The following RNF123 variants were observed in gnomAD, a reference collection of about 807,000 sequenced individuals.
RNF123 encodes ring finger protein 123.
A neutral mutation model predicts 168.5 loss-of-function variants in RNF123; 86 were observed. That is an observed-to-expected ratio of 0.51 (90% CI 0.43 to 0.61). The LOEUF (loss-of-function observed/expected upper bound fraction) is 0.61. Among genes scored for constraint, RNF123 ranks in the 20% least tolerant of loss-of-function variants. The pLI, the probability that RNF123 is intolerant of heterozygous loss-of-function variation, is 0.00. For synonymous variants in RNF123, 666 were observed against 689.1 expected, an observed-to-expected ratio of 0.97 and a Z score of 0.52; for missense variants, 1,419 against 1,729.7, an observed-to-expected ratio of 0.82 and a Z score of 3.19.
intron 35 of RNF123, 194 bp from the exon 36 acceptor site, chr3:49,720,317 G>GAAAAAA: frequency 2.9e-6 from 1 of 345,006 alleles, no homozygotes; most frequent in East Asian, 4.3e-5. Flanking sequence ...CTCGTCTCAA[G>GAAAAAA]AAAAAAAAAA....
chr3:49,696,373 G>A (rs2108177227), intron 3 of RNF123, among the ~76,000 whole-genome samples: 1 of 148,148 alleles, frequency 6.8e-6, no homozygotes, highest in South Asian at 2.1e-4. Flanking sequence ...TTTTGAGACA[G>A]AGTCTTGCTC....
At chr3:49,704,896 G>A in intron 22 of RNF123, 88 bp from the exon 23 acceptor site, 1 of 1,428,080 alleles carries the variant, frequency 7.0e-7, no homozygotes, top group Non-Finnish European at 9.5e-7. Flanking sequence ...GTGGGTGGAG[G>A]CATGGACCCT....
At chr3:49,721,142 G>A (rs760786484) in intron 38 of RNF123, 37 bp downstream of exon 38, 6 of 1,614,128 alleles carry the variant, frequency 3.7e-6, no homozygotes, top group Non-Finnish European at 4.2e-6. Context: ...GGGGAGAGCA[G>A]TAGGTACATG....
intron 7 of RNF123, 29 bp from the exon 8 acceptor site, chr3:49,698,411 C>A: frequency 6.3e-7 from 1 of 1,596,126 alleles, no homozygotes; most frequent in Non-Finnish European, 8.6e-7. Context: ...CCTGCCTCAC[C>A]AGGGACCTCA....
intron 20 of RNF123, 22 bp downstream of exon 20, chr3:49,702,775 G>T (rs920187867): frequency 6.2e-7 from 1 of 1,613,902 alleles, no homozygotes; most frequent in Non-Finnish European, 8.5e-7. Flanking sequence ...CGGGGTCCCA[G>T]GTCAGTGAGG....
chr3:49,695,231 T>C (rs1212057134), intron 3 of RNF123, among the ~76,000 whole-genome samples: 1 of 152,008 alleles, frequency 6.6e-6, no homozygotes, highest in Non-Finnish European at 1.5e-5. Context: ...GCCTCCCACA[T>C]AGCTGGGACC....
intron 31 of RNF123, among the ~76,000 whole-genome samples, chr3:49,715,230 A>C (rs1364946110): frequency 6.6e-6 from 1 of 152,212 alleles, no homozygotes; most frequent in Non-Finnish European, 1.5e-5. Context: ...GGAAGCATCT[A>C]AGCCGCCCTG....
intron 17 of RNF123, 74 bp downstream of exon 17, chr3:49,701,984 T>A: frequency 7.1e-6 from 11 of 1,552,852 alleles, no homozygotes; most frequent in Non-Finnish European, 9.6e-6. Flanking sequence ...GGTGCCCATG[T>A]CTAGGTGGGA....
Position 49,701,811 on chromosome 3 carries a change from G to T in RNF123, c.1396G>T (p.Gly466Cys). Reference sequence around the variant, plus strand: ...TATTCCACCTGCTACCCCTGCCTAGGGCAAAGAGAGCACGGAGATGAAGGA... The same window carrying T: ...TATTCCACCTGCTACCCCTGCCTAGTGCAAAGAGAGCACGGAGATGAAGGA... ...TWWPHCSSRE[G>C]KESTEMKEET... is the part of the protein sequence containing the mutation. Residue 466 changes from glycine to cysteine, a missense_variant and splice_region_variant, in exon 17 of 39, where the codon GGC becomes TGC. Coordinates refer to ENST00000327697, the MANE Select transcript of RNF123 (RefSeq NM_022064.5). 6.4e-7 allele frequency: 1 copy of T among 1,569,806 alleles called. No individual in the cohort carries two copies. The highest frequency in any genetic ancestry group is 1.9e-5 in the Admixed American group (1 of 51,732).
rs550009195 is a variant in RNF123 at position 49,712,625 on chromosome 3, T to C, written c.2643T>C (p.Phe881=). The C allele has an allele frequency of 2.1e-5, 34 of 1,614,170 alleles. No individual in the cohort carries two copies. In the Admixed American group the frequency reaches 3.5e-4, roughly 17 times the overall value. ...INSYSALKNY[F]GPVHSMEELP... Reference sequence around the variant, plus strand: ...GCTACAGTGCTCTCAAGAATTACTTTGGTCCCGTGCACAGCATGGAGGAGC... The same window carrying C: ...GCTACAGTGCTCTCAAGAATTACTTCGGTCCCGTGCACAGCATGGAGGAGC... The change falls in exon 27 of 39, where the codon TTT becomes TTC. Residue 881 remains phenylalanine, a synonymous_variant. Transcript: ENST00000327697.
intron 26 of RNF123, among the ~76,000 whole-genome samples, chr3:49,708,698 G>C (rs2080081582): frequency 6.6e-6 from 1 of 152,192 alleles, no homozygotes; most frequent in East Asian, 1.9e-4. Flanking sequence ...ATGTCCTCAA[G>C]GTTCATTCGT....
chr3:49,699,374 C>G lies in RNF123; in HGVS notation c.765-94C>G. The stretch of plus-strand genomic sequence containing the variant: ...AGTTGTGATGCAAACCAGCCCTGCC[C>G]TAGAGCCCAGGCCCCGGGGTGGGGG... On this transcript the variant is annotated intron_variant, in intron 10 of 38. Coordinates refer to ENST00000327697, the MANE Select transcript of RNF123 (RefSeq NM_022064.5). The surrounding 1 kb of genome is among the most constrained non-coding windows in gnomAD (Gnocchi z 4.8). The G allele has an allele frequency of 8.4e-7, 1 of 1,187,070 alleles. No homozygotes were observed. The highest frequency in any genetic ancestry group is 1.4e-5 in the South Asian group (1 of 70,410). The allele number at this position is 1,187,070 out of a possible 1,614,324, so 73.5% of individuals were successfully genotyped here. A position where few individuals can be genotyped will look rare whatever the true frequency, so the allele number is the denominator to read the frequency against.
At chr3:49,705,901 G>T (rs1030070595) in intron 24 of RNF123, 81 bp from the exon 25 acceptor site, 69 of 1,521,044 alleles carry the variant, frequency 4.5e-5, no homozygotes, top group Non-Finnish European at 5.5e-5. Context: ...CCTTGGCAGG[G>T]CTGGGGTCCA....
intron 35 of RNF123, chr3:49,718,896 G>A: frequency 6.2e-7 from 1 of 1,613,724 alleles, no homozygotes; most frequent in Non-Finnish European, 8.5e-7. Context: ...GGTTGGAGGA[G>A]AGGTCCAGAG....
chr3:49,689,916 C>T (rs908520986), intron 1 of RNF123: 3 of 152,248 alleles, frequency 2.0e-5, no homozygotes, highest in Admixed American at 6.5e-5. Flanking sequence ...CGCCTCTCAC[C>T]TGGGTCCTCA....
At chr3:49,716,325 G>T in intron 34 of RNF123, 68 bp from the exon 35 acceptor site, 1 of 1,563,284 alleles carries the variant, frequency 6.4e-7, no homozygotes, top group Non-Finnish European at 8.8e-7. Flanking sequence ...AGAGGGCAGT[G>T]GGCAGGCCTG....
At position 49,718,001 on chromosome 3, in the gene RNF123, C is replaced by T. The variant is rs1356018516; in HGVS notation, c.3500+1524C>T. On this transcript the variant is annotated intron_variant, in intron 35 of 38. Coordinates refer to ENST00000327697, the MANE Select transcript of RNF123 (RefSeq NM_022064.5). ...CCTATGGAGCTGGCGGACTCAGAGC[C>T]AGCCTTCAGCTGCAGGCCTCCAGGG... The T allele has an allele frequency of 4.3e-6, 7 of 1,613,662 alleles. No homozygotes were observed. Among genetic ancestry groups the T allele is most frequent in the Non-Finnish European group, 5.1e-6 (6 of 1,180,038 alleles).
chr3:49,717,121 T>A (rs939717924), intron 35 of RNF123: 7 of 153,210 alleles, frequency 4.6e-5, no homozygotes, highest in African/African-American at 1.7e-4. Flanking sequence ...CTTTTCGGGC[T>A]TTTTACTGCT....
In RNF123 at chr3:49,716,047, G is replaced by A. The variant is rs1323427558; in HGVS notation, c.3339+37G>A. On this transcript the variant is annotated intron_variant, in intron 33 of 38. Coordinates refer to ENST00000327697, the MANE Select transcript of RNF123 (RefSeq NM_022064.5). ...TGGGCAACAAGGGTGGGACCCTGGG[G>A]ATGCCCCATTGATGACGCTCCCCAT... 5 of 1,613,646 alleles carry A rather than the reference G, an allele frequency of 3.1e-6. No individual in the cohort carries two copies. The South Asian group carries it at 5.5e-5, about 18-fold the overall frequency.
Sources: gnomAD v4.1 joint callset for allele counts (sites outside exome capture counted in the v4.1 genomes callset) on GRCh38, gnomAD v4.1.1 for gene constraint, Gnocchi (gnomAD v3.1) non-coding constraint, MANE v1.5 for transcripts, NCBI Gene and HGNC (gene_info 2026-07-23, HGNC 2026-07-21) for gene names.